Variants in PADI1 observed in about 807,000 individuals in gnomAD.
PADI1 encodes the protein peptidyl arginine deiminase 1.
In PADI1, 65 loss-of-function variants were observed where a neutral mutation model predicts 74.8. That is an observed-to-expected ratio of 0.87 (90% CI 0.71 to 1.07). The LOEUF (loss-of-function observed/expected upper bound fraction) is 1.07. Among genes scored for constraint, PADI1 ranks in the 50% least tolerant of loss-of-function variants. PADI1 has a pLI of 0.00. For missense variants in PADI1, 943 were observed against 854.0 expected (o/e 1.10, Z -1.30); for synonymous variants, 371 against 336.2 (o/e 1.10, Z -1.13).
At chr1:17,235,404 G>T (rs150996431) in intron 11 of PADI1, among the ~76,000 whole-genome samples, 1 of 152,096 alleles carries the variant, frequency 6.6e-6, no homozygotes, top group Non-Finnish European at 1.5e-5. Context: ...AGGAAAAGTC[G>T]AAAAAACTCG....
At chr1:17,232,711 C>A in intron 10 of PADI1, 108 bp from the exon 11 acceptor site, 1 of 912,000 alleles carries the variant, frequency 1.1e-6, no homozygotes. Flanking sequence ...TACTAAGAGC[C>A]ATGGAGTGGG....
intron 1 of PADI1, among the ~76,000 whole-genome samples, chr1:17,212,966 A>G (rs1237541718): frequency 6.6e-6 from 1 of 152,240 alleles, no homozygotes; most frequent in Non-Finnish European, 1.5e-5. Context: ...AGAGCCATGC[A>G]GAGGAGCTCG....
At chr1:17,226,837 C>T (rs929376652) in intron 6 of PADI1, among the ~76,000 whole-genome samples, 1 of 151,984 alleles carries the variant, frequency 6.6e-6, no homozygotes, top group African/African-American at 2.4e-5. Context: ...ATCACAAGGT[C>T]AGGAGATCGA....
rs144406233 is a variant in PADI1 at position 17,225,928 on chromosome 1, G to A, written c.526G>A (p.Asp176Asn). ...CCACAGCTGGCTGATGTCGCTGGCT[G>A]GTGAGTGACACAAGGTGTTGTCTGG... ...LTHSWLMSLA[D>N]LQDMSPMLLS... The change falls in exon 5 of 16, where the codon GAC becomes AAC. Residue 176 changes from aspartate (D) to asparagine (N), a missense_variant and splice_region_variant. Asp to Asn is a conservative substitution (Grantham distance 23). Transcript: ENST00000375471. 6.8e-6 allele frequency: 11 copies of A among 1,613,604 alleles called. No individual in the cohort carries two copies. Among genetic ancestry groups the A allele is most frequent in the Non-Finnish European group, 9.3e-6 (11 of 1,179,584 alleles).
rs1445716231 is a variant in PADI1 at position 17,223,650 on chromosome 1, A to C, written c.303A>C (p.Glu101Asp). Residue 101 changes from glutamate (E) to aspartate (D), a missense_variant, in exon 3 of 16, where the codon GAA becomes GAC. Glu to Asp is a conservative substitution (Grantham distance 45). Coordinates refer to ENST00000375471, the MANE Select transcript of PADI1 (RefSeq NM_013358.3). Reference protein sequence around the residue: ...KVRVSYFGEQEDQALGRSVLY... With the variant: ...KVRVSYFGEQDDQALGRSVLY... ...GGGTCTCCTACTTTGGGGAGCAGGA[A>C]GACCAAGCTCTGGGCCGCAGCGTGC... 18 of 1,614,132 alleles carry C rather than the reference A, an allele frequency of 1.1e-5. No individual in the cohort carries two copies. Among genetic ancestry groups the C allele is most frequent in the Non-Finnish European group, 1.5e-5 (18 of 1,179,994 alleles).
rs776982868 is a variant in PADI1, at chr1:17,237,477, T to C, written c.1458+19T>C. The C allele has an allele frequency of 2.5e-6, 4 of 1,592,438 alleles. No individual in the cohort carries two copies. Among genetic ancestry groups the C allele is most frequent in the Non-Finnish European group, 3.4e-6 (4 of 1,168,676 alleles). ...CCAAAAGGTGCGTCCCCTCCTTCCC[T>C]GCCTGAGCCACCTCTGCCCTTGTCT... is the stretch of plus-strand genomic sequence containing the variant. On this transcript the variant is annotated intron_variant, in intron 12 of 15. Transcript: ENST00000375471.
chr1:17,215,504 C>T (rs1346919567), intron 1 of PADI1, among the ~76,000 whole-genome samples: 1 of 152,158 alleles, frequency 6.6e-6, no homozygotes, highest in East Asian at 1.9e-4. Flanking sequence ...CAGAGTCCTG[C>T]TTCCCTTGAA....
intron 11 of PADI1, among the ~76,000 whole-genome samples, chr1:17,235,483 C>G (rs1266824800): frequency 6.6e-6 from 1 of 152,066 alleles, no homozygotes; most frequent in Non-Finnish European, 1.5e-5. Context: ...CTCTGCGGGT[C>G]CAGCTGGGGA....
At chr1:17,210,709 A>C (rs2071811911) in intron 1 of PADI1, among the ~76,000 whole-genome samples, 1 of 152,188 alleles carries the variant, frequency 6.6e-6, no homozygotes, top group South Asian at 2.1e-4. Flanking sequence ...AAAATGCCTG[A>C]GCCTGCTGAG....
rs550637641 is a variant in PADI1, at chr1:17,212,097, G to C, written c.92+6788G>C. ...CTGCTGGCCTTTAGCTGGAGCTCAC[G>C]GGGTGGCGGCCAGTACCCCGGGACT... On this transcript the variant is annotated intron_variant, in intron 1 of 15. Transcript: ENST00000375471. 2.6e-5 allele frequency among the ~76,000 whole-genome samples: 4 copies of C among 152,300 alleles called. No homozygotes were observed. In the South Asian group the frequency reaches 8.3e-4, roughly 32 times the overall value.
Position 17,216,129 on chromosome 1 carries a change from G to A in PADI1, c.93-6161G>A, listed in dbSNP as rs78433278. 9.6e-3 allele frequency among the ~76,000 whole-genome samples: 1,456 copies of A among 152,274 alleles called. 18 individuals are homozygous for A. Among genetic ancestry groups the A allele is most frequent in the African/African-American group, 0.034 (1,393 of 41,552 alleles). On this transcript the variant is annotated intron_variant, in intron 1 of 15. Coordinates refer to ENST00000375471, the MANE Select transcript of PADI1 (RefSeq NM_013358.3). ...GAACGGCAGGAACAAGCAAGAGGGCGTGGGGAGGGAAAGCAATGGGTCAGG... is the reference window on the plus strand; with the variant it reads ...GAACGGCAGGAACAAGCAAGAGGGCATGGGGAGGGAAAGCAATGGGTCAGG...
intron 1 of PADI1, among the ~76,000 whole-genome samples, chr1:17,220,077 G>A (rs547879585): frequency 2.6e-5 from 4 of 152,132 alleles, no homozygotes; most frequent in South Asian, 2.1e-4. Context: ...GGTAAGGTGC[G>A]AGGACCCCCA....
chr1:17,213,714 C>T (rs1319651302), intron 1 of PADI1, among the ~76,000 whole-genome samples: 2 of 152,216 alleles, frequency 1.3e-5, no homozygotes, highest in African/African-American at 2.4e-5. Context: ...CTTGAAAATG[C>T]AGGCTCTTTC....
Position 17,226,083 on chromosome 1 carries a change from C to A in PADI1, c.577C>A (p.Leu193Ile), listed in dbSNP as rs1206219511. Residue 193 changes from leucine (L) to isoleucine (I), a missense_variant, in exon 6 of 16, where the codon CTC (leucine) becomes ATC (isoleucine). By Grantham distance (5) the Leu-to-Ile change is conservative (BLOSUM62 2). Coordinates refer to ENST00000375471, the MANE Select transcript of PADI1 (RefSeq NM_013358.3). ...GCTGAGCTGCAATGGCCCCGACAAG[C>A]TCTTCGACAGCCACAAGCTTGTCTT... ...MLLSCNGPDKLFDSHKLVLNV... is the reference protein window; with the variant it reads ...MLLSCNGPDKIFDSHKLVLNV... 1 of 1,614,230 alleles carries A rather than the reference C, an allele frequency of 6.2e-7. No homozygotes were observed. Among genetic ancestry groups the A allele is most frequent in the Non-Finnish European group, 8.5e-7 (1 of 1,180,052 alleles).
chr1:17,208,959 C>G (rs1235626127), intron 1 of PADI1, among the ~76,000 whole-genome samples: 1 of 152,200 alleles, frequency 6.6e-6, no homozygotes, highest in African/African-American at 2.4e-5. Context: ...CCTTCCCCAC[C>G]ACTGCAAAAG....
At chr1:17,236,488 C>G (rs917008834) in intron 11 of PADI1, among the ~76,000 whole-genome samples, 2 of 152,196 alleles carry the variant, frequency 1.3e-5, no homozygotes, top group Admixed American at 1.3e-4. Context: ...AGCACAGTGG[C>G]CCTCACTTGT....
At chr1:17,236,970 T>A (rs2072657955) in intron 11 of PADI1, among the ~76,000 whole-genome samples, 1 of 152,020 alleles carries the variant, frequency 6.6e-6, no homozygotes, top group Admixed American at 6.6e-5. Context: ...TGGAGCCAAG[T>A]GAGCAAGGAG....
Position 17,210,750 on chromosome 1 carries a change from C to G in PADI1, c.92+5441C>G, listed in dbSNP as rs149810379. On this transcript the variant is annotated intron_variant, in intron 1 of 15. Coordinates refer to ENST00000375471, the MANE Select transcript of PADI1 (RefSeq NM_013358.3). ...TGGGACATCAGCCATTGCCCTCCCTCAACCTCCAGCAGCCCCAGCCAGCCC... is the reference window on the plus strand; with the variant it reads ...TGGGACATCAGCCATTGCCCTCCCTGAACCTCCAGCAGCCCCAGCCAGCCC... 2.1e-3 allele frequency among the ~76,000 whole-genome samples: 313 copies of G among 152,310 alleles called. 1 individual carries two copies. The highest frequency in any genetic ancestry group is 7.4e-3 in the African/African-American group (306 of 41,568).
chr1:17,227,737 C>T (rs2072363580), intron 6 of PADI1, among the ~76,000 whole-genome samples: 1 of 152,104 alleles, frequency 6.6e-6, no homozygotes, highest in East Asian at 1.9e-4. Flanking sequence ...AATGTTCCCT[C>T]CCATGCACCA....
Sources: gnomAD v4.1 joint callset for allele counts (sites outside exome capture counted in the v4.1 genomes callset) on GRCh38, gnomAD v4.1.1 for gene constraint, MANE v1.5 for transcripts, NCBI Gene and HGNC (gene_info 2026-07-23, HGNC 2026-07-21) for gene names.